Variants in TNFAIP6 observed in about 807,000 individuals in gnomAD.
TNFAIP6 encodes TNF alpha induced protein 6, also known as tumor necrosis factor-inducible gene 6 protein.
TNFAIP6 carries 36 observed loss-of-function variants against 33.7 expected under a neutral mutation model. That is an observed-to-expected ratio of 1.07 (90% confidence interval 0.82 to 1.41). TNFAIP6 has a LOEUF of 1.41. Ranked by LOEUF, TNFAIP6 falls within the 40% of genes most tolerant of loss-of-function variation. The pLI is 0.00. For missense variants in TNFAIP6, 273 were observed against 331.9 expected, an observed-to-expected ratio of 0.82 and a Z score of 1.38; for synonymous variants, 113 against 112.8, an observed-to-expected ratio of 1.00 and a Z score of -0.01.
Position 151,364,007 on chromosome 2 carries a change from A to G in TNFAIP6, c.159A>G (p.Glu53=). 6.2e-6 allele frequency: 10 copies of G among 1,614,200 alleles called. No individual in the cohort carries two copies. Among genetic ancestry groups the G allele is most frequent in the Non-Finnish European group, 8.5e-6 (10 of 1,180,036 alleles). The change falls in exon 2 of 6, where the codon GAA becomes GAG. Residue 53 remains glutamate (E), a synonymous_variant. Transcript: ENST00000243347. ...RSGKYKLTYA[E]AKAVCEFEGG... ...GCAAATACAAGCTCACCTACGCAGA[A>G]GCTAAGGCGGTGTGTGAATTTGAAG...
At chr2:151,360,511 T>C (rs1290786646) in intron 1 of TNFAIP6, among the ~76,000 whole-genome samples, 1 of 152,216 alleles carries the variant, frequency 6.6e-6, no homozygotes, top group African/African-American at 2.4e-5. Flanking sequence ...TCAGTTTTAA[T>C]AAATGACTAT....
At chr2:151,363,506 A>C (rs995128238) in intron 1 of TNFAIP6, among the ~76,000 whole-genome samples, 19 of 151,068 alleles carry the variant, frequency 1.3e-4, no homozygotes, top group African/African-American at 4.6e-4. Context: ...AAAAAAAAAA[A>C]AAAAAATTAG....
chr2:151,377,327 G>A (rs1041651660), intron 5 of TNFAIP6, among the ~76,000 whole-genome samples: 12 of 151,848 alleles, frequency 7.9e-5, no homozygotes, highest in Non-Finnish European at 1.5e-4. Flanking sequence ...CCGCCACCAC[G>A]CCTGGCTAAT....
At chr2:151,357,957 C>T (rs1684563833) in intron 1 of TNFAIP6, among the ~76,000 whole-genome samples, 197 bp downstream of exon 1, 1 of 151,288 alleles carries the variant, frequency 6.6e-6, no homozygotes, top group Non-Finnish European at 1.5e-5. Context: ...TTAAAAATAG[C>T]ATTTTATAAA....
chr2:151,364,044 G>A lies in TNFAIP6; in HGVS notation c.196G>A (p.Ala66Thr), dbSNP rs768323812. Reference protein sequence around the residue: ...AVCEFEGGHLATYKQLEAARK... With the variant: ...AVCEFEGGHLTTYKQLEAARK... ...GTGTGAATTTGAAGGCGGCCATCTC[G>A]CAACTTACAAGCAGCTAGAGGCAGC... The change falls in exon 2 of 6, where the codon GCA (alanine) becomes ACA (threonine). Residue 66 changes from alanine (A) to threonine (T), a missense_variant. Transcript: ENST00000243347. The A allele has an allele frequency of 3.7e-6, 6 of 1,613,820 alleles. No individual in the cohort carries two copies. Among genetic ancestry groups the A allele is most frequent in the East Asian group, 4.5e-5 (2 of 44,878 alleles).
At chr2:151,362,480 CTTTTTTTTTTTTTTTTTTT>C (rs34640251) in intron 1 of TNFAIP6, among the ~76,000 whole-genome samples, 1 of 56,940 alleles carries the variant, frequency 1.8e-5, no homozygotes. Flanking sequence ...TTACTAAATT[CTTTTTTTTTTTTTTTTTTT>C]TTTTTTTTTT....
chr2:151,357,889 A>G, intron 1 of TNFAIP6, 129 bp downstream of exon 1: 1 of 565,416 alleles, frequency 1.8e-6, no homozygotes, highest in East Asian at 2.8e-5. Context: ...TGCTTAGGAA[A>G]GATAGCCTTT....
rs1043450828 is a variant in TNFAIP6 at position 151,374,988 on chromosome 2, G to A, written c.664+1399G>A. On this transcript the variant is annotated intron_variant, in intron 5 of 5. Coordinates refer to ENST00000243347, the MANE Select transcript of TNFAIP6 (RefSeq NM_007115.4). The stretch of plus-strand genomic sequence containing the variant: ...CAGAAATACAAAATTAGCCAGGCGT[G>A]GAGGCACATGCCTGTAATCCCAGCT... 3.3e-5 allele frequency among the ~76,000 whole-genome samples: 5 copies of A among 152,068 alleles called. No individual in the cohort carries two copies. The South Asian group carries it at 6.2e-4, about 19-fold the overall frequency.
chr2:151,376,865 C>CTTTTTTTT lies in TNFAIP6; in HGVS notation c.665-2486_665-2479dup, dbSNP rs71403162. Among the ~76,000 whole-genome samples the CTTTTTTTT allele has an allele frequency of 5.5e-3, 622 of 114,120 alleles. 1 individual carries two copies. Among genetic ancestry groups the CTTTTTTTT allele is most frequent in the East Asian group, 9.0e-3 (36 of 3,988 alleles). The allele number at this position is 114,120 out of a possible 152,430, so 74.9% of individuals were successfully genotyped here. The stretch of plus-strand genomic sequence containing the variant: ...GCCAATTTACATTTCTTTTTCTTTT[C>CTTTTTTTT]TTTTTTTTTTTTTTTTTTTTGTTTT... On this transcript the variant is annotated intron_variant, in intron 5 of 5. Coordinates refer to ENST00000243347, the MANE Select transcript of TNFAIP6 (RefSeq NM_007115.4).
rs542848089 is a variant in TNFAIP6 at position 151,377,796 on chromosome 2, A to T, written c.665-1568A>T. Reference sequence around the variant, plus strand: ...TTTCTCTCAGTCTGTCTCGTGCAAAATTTTTTTTTTATATTTAGGCAAATC... The same window carrying T: ...TTTCTCTCAGTCTGTCTCGTGCAAATTTTTTTTTTTATATTTAGGCAAATC... On this transcript the variant is annotated intron_variant, in intron 5 of 5. Coordinates refer to ENST00000243347, the MANE Select transcript of TNFAIP6 (RefSeq NM_007115.4). Among the ~76,000 whole-genome samples, 99 of 150,056 alleles carry T rather than the reference A, an allele frequency of 6.6e-4. 1 individual carries two copies. Among genetic ancestry groups the T allele is most frequent in the South Asian group, 8.4e-4 (4 of 4,750 alleles).
chr2:151,370,658 A>G (rs1684801811), intron 4 of TNFAIP6, among the ~76,000 whole-genome samples: 1 of 152,260 alleles, frequency 6.6e-6, no homozygotes, highest in Non-Finnish European at 1.5e-5. Context: ...CTAAGTTGTA[A>G]GAACTAGTTA....
chr2:151,377,770 T>C (rs1442946415), intron 5 of TNFAIP6, among the ~76,000 whole-genome samples: 1 of 152,162 alleles, frequency 6.6e-6, no homozygotes, highest in Non-Finnish European at 1.5e-5. Flanking sequence ...ATTAACCCTA[T>C]TTTCTCTCAG....
chr2:151,376,245 C>CA (rs1233739085), intron 5 of TNFAIP6, among the ~76,000 whole-genome samples: 2 of 151,486 alleles, frequency 1.3e-5, no homozygotes, highest in East Asian at 3.9e-4. Context: ...GATTCCCTTT[C>CA]AAAAAAAATT....
intron 2 of TNFAIP6, 95 bp downstream of exon 2, chr2:151,364,175 C>G (rs1684674818): frequency 7.0e-7 from 1 of 1,422,778 alleles, no homozygotes; most frequent in Non-Finnish European, 9.5e-7. Flanking sequence ...TCTCCAACCC[C>G]CTTCTGATAT....
chr2:151,368,585 T>A (rs1235600686), intron 3 of TNFAIP6, among the ~76,000 whole-genome samples: 1 of 151,922 alleles, frequency 6.6e-6, no homozygotes, highest in Non-Finnish European at 1.5e-5. Flanking sequence ...TGAAATCTGT[T>A]AAATGATGAA....
At chr2:151,378,626 T>C (rs1164514176) in intron 5 of TNFAIP6, among the ~76,000 whole-genome samples, 1 of 151,884 alleles carries the variant, frequency 6.6e-6, no homozygotes, top group African/African-American at 2.4e-5. Context: ...GAGCTGGGAT[T>C]ACAGGCACAC....
At chr2:151,377,835 A>G (rs1684943093) in intron 5 of TNFAIP6, among the ~76,000 whole-genome samples, 1 of 152,054 alleles carries the variant, frequency 6.6e-6, no homozygotes, top group Non-Finnish European at 1.5e-5. Context: ...CAAATATGAG[A>G]AAATAGCAGT....
At chr2:151,359,578 C>A (rs1321029195) in intron 1 of TNFAIP6, among the ~76,000 whole-genome samples, 1 of 152,048 alleles carries the variant, frequency 6.6e-6, no homozygotes, top group African/African-American at 2.4e-5. Context: ...TTAGTAGAGA[C>A]AGAGTTTCAC....
At chr2:151,365,820 T>C (rs1047622055) in intron 2 of TNFAIP6, among the ~76,000 whole-genome samples, 1 of 152,188 alleles carries the variant, frequency 6.6e-6, no homozygotes, top group African/African-American at 2.4e-5. Context: ...CACAATAATT[T>C]GTAGTCCATT....
Sources: gnomAD v4.1 joint callset for allele counts (sites outside exome capture counted in the v4.1 genomes callset) on GRCh38, gnomAD v4.1.1 for gene constraint, MANE v1.5 for transcripts, NCBI Gene and HGNC (gene_info 2026-07-23, HGNC 2026-07-21) for gene names.